Variants in TAFA5 observed in about 807,000 individuals in gnomAD.
TAFA5 encodes TAFA chemokine like family member 5.
In TAFA5, 6 loss-of-function variants were observed where a neutral mutation model predicts 15.3. That is an observed-to-expected ratio of 0.39 (90% CI 0.21 to 0.77). TAFA5 has a LOEUF of 0.77. Among genes scored for constraint, TAFA5 ranks in the 30% least tolerant of loss-of-function variants. The pLI, the probability that TAFA5 is intolerant of heterozygous loss-of-function variation, is 0.41. For synonymous variants in TAFA5, 103 were observed against 80.7 expected (o/e 1.28, Z -1.48); for missense variants, 161 against 193.1 (o/e 0.83, Z 0.98).
chr22:48,727,373 G>C (rs1352922635), intron 3 of TAFA5, among the ~76,000 whole-genome samples: 1 of 152,138 alleles, frequency 6.6e-6, no homozygotes, highest in African/African-American at 2.4e-5. Context: ...GTCACTCATG[G>C]GATAGAAGGA....
At chr22:48,591,594 C>T (rs1924569537) in intron 1 of TAFA5, among the ~76,000 whole-genome samples, 1 of 152,220 alleles carries the variant, frequency 6.6e-6, no homozygotes, top group Non-Finnish European at 1.5e-5. Context: ...GCCCTGAGGG[C>T]TCCAGATGAC....
chr22:48,587,802 C>T (rs1453161361), intron 1 of TAFA5, among the ~76,000 whole-genome samples: 2 of 152,230 alleles, frequency 1.3e-5, no homozygotes, highest in African/African-American at 4.8e-5. Flanking sequence ...TCTCCTTTTG[C>T]GTTTTAAAAA....
intron 3 of TAFA5, among the ~76,000 whole-genome samples, chr22:48,713,253 C>T (rs1929307337): frequency 6.6e-6 from 1 of 152,206 alleles, no homozygotes; most frequent in Admixed American, 6.5e-5. Context: ...CCCATTTGCC[C>T]AACGTGAGAG....
chr22:48,665,802 T>C (rs1331174574), intron 2 of TAFA5, among the ~76,000 whole-genome samples: 1 of 152,218 alleles, frequency 6.6e-6, no homozygotes, highest in African/African-American at 2.4e-5. Flanking sequence ...CGCAGATTCC[T>C]ATCTAGCGGC....
chr22:48,640,480 T>C (rs1394000273), intron 1 of TAFA5, among the ~76,000 whole-genome samples: 1 of 152,098 alleles, frequency 6.6e-6, no homozygotes, highest in African/African-American at 2.4e-5. Flanking sequence ...AGTGTGCTTC[T>C]AAGGGGGGGC....
intron 3 of TAFA5, among the ~76,000 whole-genome samples, chr22:48,741,920 A>G (rs907793230): frequency 3.9e-5 from 6 of 152,152 alleles, no homozygotes; most frequent in African/African-American, 1.4e-4. Context: ...CTTTATTCTG[A>G]GTTATACTCT....
chr22:48,542,105 T>G (rs528817380), intron 1 of TAFA5, among the ~76,000 whole-genome samples: 2 of 40,324 alleles, frequency 5.0e-5, no homozygotes, highest in Non-Finnish European at 2.1e-4. Flanking sequence ...GATGTGTGTG[T>G]GGTGTGTGTG....
chr22:48,741,250 G>C (rs1053792910), intron 3 of TAFA5, among the ~76,000 whole-genome samples: 1 of 151,908 alleles, frequency 6.6e-6, no homozygotes, highest in Non-Finnish European at 1.5e-5. Context: ...CGTCCTCACC[G>C]CTGGGTCCCA....
intron 2 of TAFA5, among the ~76,000 whole-genome samples, chr22:48,659,021 C>T (rs919677635): frequency 2.6e-5 from 4 of 152,196 alleles, no homozygotes; most frequent in Non-Finnish European, 4.4e-5. Flanking sequence ...GCAGGACACC[C>T]GGGGACCTTG....
chr22:48,568,535 T>C (rs959929611), intron 1 of TAFA5, among the ~76,000 whole-genome samples: 59 of 152,348 alleles, frequency 3.9e-4, no homozygotes, highest in African/African-American at 1.3e-3. Context: ...AGAGGTCTCC[T>C]TGGGGACAAG....
At chr22:48,654,632 C>A (rs988338108) in intron 2 of TAFA5, among the ~76,000 whole-genome samples, 1 of 152,246 alleles carries the variant, frequency 6.6e-6, no homozygotes, top group Non-Finnish European at 1.5e-5. Context: ...CTGACTTTCC[C>A]ATCCGAATCA....
chr22:48,671,663 C>T (rs1047402893), intron 2 of TAFA5, among the ~76,000 whole-genome samples: 3 of 152,134 alleles, frequency 2.0e-5, no homozygotes, highest in Admixed American at 2.0e-4. Flanking sequence ...CAGAGAATCC[C>T]CTGGCCTCCC....
intron 3 of TAFA5, among the ~76,000 whole-genome samples, chr22:48,735,319 A>G (rs1410499900): frequency 1.3e-5 from 2 of 152,208 alleles, no homozygotes; most frequent in African/African-American, 4.8e-5. Context: ...GACAGATCAC[A>G]GCGTGGGGAG....
chr22:48,503,166 A>G (rs759255245), intron 1 of TAFA5, among the ~76,000 whole-genome samples: 9 of 152,164 alleles, frequency 5.9e-5, no homozygotes, highest in Non-Finnish European at 1.0e-4. Flanking sequence ...TCCCATTACC[A>G]GGGCTCTGCC....
chr22:48,738,027 C>G (rs1930080966), intron 3 of TAFA5, among the ~76,000 whole-genome samples: 1 of 152,102 alleles, frequency 6.6e-6, no homozygotes, highest in African/African-American at 2.4e-5. Context: ...TGAGGGAGAT[C>G]CTGGGTCCTC....
intron 1 of TAFA5, among the ~76,000 whole-genome samples, chr22:48,563,932 C>T (rs1047895218): frequency 2.6e-5 from 4 of 152,218 alleles, no homozygotes; most frequent in African/African-American, 9.6e-5. Flanking sequence ...GCATCCTTGT[C>T]CTTCCTGAAA....
At chr22:48,663,311 AGG>A (rs1927508278) in intron 2 of TAFA5, among the ~76,000 whole-genome samples, 1 of 151,220 alleles carries the variant, frequency 6.6e-6, no homozygotes, top group East Asian at 1.9e-4. Context: ...GAGTGGGCTG[AGG>A]GGCCACATTG....
chr22:48,734,573 G>A (rs932119246), intron 3 of TAFA5, among the ~76,000 whole-genome samples: 1 of 152,396 alleles, frequency 6.6e-6, no homozygotes, highest in South Asian at 2.1e-4. Context: ...GGGGCGGCCT[G>A]CCTGGCCCAA....
chr22:48,526,975 TC>T (rs761764816), intron 1 of TAFA5, among the ~76,000 whole-genome samples: 2 of 152,234 alleles, frequency 1.3e-5, no homozygotes, highest in Non-Finnish European at 2.9e-5. Context: ...TTTAAGTGAT[TC>T]CTTTCCCTTA....
Sources: allele counts gnomAD v4.1 joint callset (sites outside exome capture counted in the v4.1 genomes callset), GRCh38; gene constraint gnomAD v4.1.1; transcripts MANE v1.5; gene names NCBI Gene and HGNC (gene_info 2026-07-23, HGNC 2026-07-21).